KIF13B: variants seen among roughly 807,000 people sequenced by gnomAD.
KIF13B encodes kinesin-like protein KIF13B.
A neutral mutation model predicts 222.0 loss-of-function variants in KIF13B; 127 were observed. The observed-to-expected ratio is 0.57, with a 90% CI of 0.50 to 0.66. The LOEUF (loss-of-function observed/expected upper bound fraction) is 0.66. Among genes scored for constraint, KIF13B ranks in the 30% least tolerant of loss-of-function variants. The probability of loss-of-function intolerance (pLI) is 0.00; values close to 1 mark genes in which losing one functional copy is unlikely to be tolerated. For missense variants in KIF13B, 2,173 were observed against 2,379.0 expected (o/e 0.91, Z 1.80); for synonymous variants, 976 against 919.0 (o/e 1.06, Z -1.12).
Position 29,092,845 on chromosome 8 carries a change from G to A in KIF13B, c.4358C>T (p.Pro1453Leu), listed in dbSNP as rs1808364644. 4 of 1,612,224 alleles carry A rather than the reference G, an allele frequency of 2.5e-6. No homozygotes were observed. Among genetic ancestry groups the A allele is most frequent in the Non-Finnish European group, 3.4e-6 (4 of 1,179,172 alleles). ...LSNLAASYLN[P>L]VKSFVPQMPK... ...CATTTGCGGCACGAAGGATTTGACA[G>A]GATTCAAGTAGGATGCTGCAAGGTT... The change falls in exon 37 of 40, where the codon CCT becomes CTT. Residue 1453 changes from proline (P) to leucine (L), a missense_variant. By Grantham distance (98) the Pro-to-Leu change is moderately conservative. Coordinates refer to ENST00000524189, the MANE Select transcript of KIF13B (RefSeq NM_015254.4).
At chr8:29,142,053 A>G (rs1720997394) in intron 19 of KIF13B, 104 bp downstream of exon 19, 2 of 820,238 alleles carry the variant, frequency 2.4e-6, no homozygotes, top group Non-Finnish European at 3.8e-6. Context: ...AAATAGGATT[A>G]TAATTTTGGA....
Position 29,072,316 on chromosome 8 carries a change from C to T in KIF13B, c.4522G>A (p.Ala1508Thr). Residue 1508 changes from alanine to threonine, a missense_variant and splice_region_variant, in exon 39 of 40, where the codon GCT (alanine) becomes ACT (threonine). Physicochemically the swap from Ala to Thr is moderately conservative, Grantham distance 58 (BLOSUM62 0). Coordinates refer to ENST00000524189, the MANE Select transcript of KIF13B (RefSeq NM_015254.4). ...ACGTCAGGGCCCATCTCCGGCTGAG[C>T]CTGCAGCAGGACGGGGAAGCAGGGG... ...PDIRVTRMEE[A>T]QPEMGPDVLV... 7.1e-7 allele frequency: 1 copy of T among 1,407,528 alleles called. No homozygotes were observed. Among genetic ancestry groups the T allele is most frequent in the South Asian group, 1.7e-5 (1 of 58,624 alleles). The allele number at this position is 1,407,528 out of a possible 1,614,324, so 87.2% of individuals were successfully genotyped here.
chr8:29,132,254 CAA>C, intron 23 of KIF13B, 52 bp downstream of exon 23: 2 of 1,186,240 alleles, frequency 1.7e-6, no homozygotes, highest in Non-Finnish European at 1.1e-6. Flanking sequence ...TCTCAAAAAA[CAA>C]AAAAAAAATT....
chr8:29,070,727 C>A lies in KIF13B; in HGVS notation c.5258G>T (p.Arg1753Met). 6.4e-7 allele frequency: 1 copy of A among 1,564,632 alleles called. No homozygotes were observed. The highest frequency in any genetic ancestry group is 8.7e-7 in the Non-Finnish European group (1 of 1,155,178). The change falls in exon 40 of 40, where the codon AGG becomes ATG. Residue 1753 changes from arginine to methionine, a missense_variant. Arg to Met is a moderately conservative substitution (Grantham distance 91). Around this residue, in one of 2 missense-constraint regions of KIF13B, gnomAD observed 693 missense variants for 656.2 expected, o/e 1.06. Coordinates refer to ENST00000524189, the MANE Select transcript of KIF13B (RefSeq NM_015254.4). The surrounding 1 kb of genome is among the most constrained non-coding windows in gnomAD (Gnocchi z 4.1). The part of the protein sequence containing the change: ...DGSIGGKQYF[R>M]CNPGYGLLVR... ...CAGCAGCCCGTAGCCAGGGTTACAC[C>A]TGAAGTACTGCTTCCCGCCGATGGA...
intron 26 of KIF13B, 127 bp downstream of exon 26, chr8:29,126,355 T>G (rs915202179): frequency 2.3e-5 from 16 of 686,610 alleles, no homozygotes; most frequent in Non-Finnish European, 3.0e-5. Context: ...CTGTTTTACT[T>G]TAAAACAACA....
intron 35 of KIF13B, among the ~76,000 whole-genome samples, chr8:29,106,790 G>A (rs970904857): frequency 6.6e-6 from 1 of 151,604 alleles, no homozygotes; most frequent in Non-Finnish European, 1.5e-5. Flanking sequence ...TCAGCTTTAA[G>A]AATTATCATG....
In KIF13B at chr8:29,072,075, G is replaced by A; in HGVS notation, c.4763C>T (p.Ala1588Val). ...LSDALGPGLD[A>V]AAPPGSMPTA... ...GGGCATGGACCCCGGCGGGGCCGCA[G>A]CGTCCAGGCCGGGGCCCAGGGCGTC... Residue 1588 changes from alanine to valine, a missense_variant, in exon 39 of 40, where the codon GCT becomes GTT. Transcript: ENST00000524189. 7.6e-7 allele frequency: 1 copy of A among 1,319,074 alleles called. No homozygotes were observed. The allele number at this position is 1,319,074 out of a possible 1,614,324, so 81.7% of individuals were successfully genotyped here. A position where few individuals can be genotyped will look rare whatever the true frequency, so the allele number is the denominator to read the frequency against.
At chr8:29,109,566 A>G in intron 33 of KIF13B, 55 bp from the exon 34 acceptor site, 1 of 1,401,478 alleles carries the variant, frequency 7.1e-7, no homozygotes, top group South Asian at 1.2e-5. Flanking sequence ...ACACTGCAAA[A>G]GCAACACCAT....
intron 35 of KIF13B, among the ~76,000 whole-genome samples, chr8:29,106,240 C>CAGG (rs1278003558): frequency 6.6e-6 from 1 of 152,170 alleles, no homozygotes; most frequent in Non-Finnish European, 1.5e-5. Context: ...CGTGTCCATG[C>CAGG]AGGGCTCCAG....
At chr8:29,104,317 A>T (rs1205170131) in intron 35 of KIF13B, among the ~76,000 whole-genome samples, 1 of 151,942 alleles carries the variant, frequency 6.6e-6, no homozygotes, top group Admixed American at 6.6e-5. Context: ...TGCTGTCCAA[A>T]ACCCGATGTC....
intron 10 of KIF13B, among the ~76,000 whole-genome samples, chr8:29,173,569 T>A (rs532836871): frequency 1.3e-5 from 2 of 151,492 alleles, no homozygotes; most frequent in South Asian, 4.2e-4. Context: ...CTGTAGTGAG[T>A]TATGACTGCA....
At chr8:29,248,231 G>A (rs1312071177) in intron 1 of KIF13B, among the ~76,000 whole-genome samples, 2 of 152,082 alleles carry the variant, frequency 1.3e-5, no homozygotes, top group African/African-American at 4.8e-5. Flanking sequence ...GTACACAAAT[G>A]TTCACAGTAC....
intron 14 of KIF13B, among the ~76,000 whole-genome samples, chr8:29,152,972 G>C (rs892972004): frequency 3.3e-5 from 5 of 152,126 alleles, no homozygotes; most frequent in Non-Finnish European, 7.3e-5. Flanking sequence ...ATATGCACTG[G>C]GGAATCAAAA....
intron 12 of KIF13B, among the ~76,000 whole-genome samples, chr8:29,163,761 T>C (rs1204094257): frequency 2.6e-5 from 4 of 152,286 alleles, no homozygotes; most frequent in Non-Finnish European, 4.4e-5. Flanking sequence ...AAGGGACCCC[T>C]GAGAGAGGAA....
Position 29,069,381 on chromosome 8 carries a change from C to T in KIF13B, c.*1123G>A, listed in dbSNP as rs1050391112. 2 of 152,468 alleles carry T rather than the reference C, an allele frequency of 1.3e-5. No homozygotes were observed. The highest frequency in any genetic ancestry group is 4.8e-5 in the African/African-American group (2 of 41,460). 9.4% of individuals were successfully genotyped at this position (152,468 alleles called of 1,614,324 possible). A position where few individuals can be genotyped will look rare whatever the true frequency, so the allele number is the denominator to read the frequency against. Reference sequence around the variant, plus strand: ...CCTGCACCAGCCCAGCCGCCAGGCCCCAGCCCCACACTCTGAGAGTCTGGG... The same window carrying T: ...CCTGCACCAGCCCAGCCGCCAGGCCTCAGCCCCACACTCTGAGAGTCTGGG... On this transcript the variant is annotated 3_prime_UTR_variant, in exon 40 of 40. Coordinates refer to ENST00000524189, the MANE Select transcript of KIF13B (RefSeq NM_015254.4).
chr8:29,070,559 G>A lies in KIF13B; in HGVS notation c.5426C>T (p.Ala1809Val). ...GTTCTTGTGGCTCCTGTCGGCCTTG[G>A]CCAGGGCAGCTGTCAGCGAGGCCAG... is the stretch of plus-strand genomic sequence containing the variant. Reference protein sequence around the residue: ...TNLASLTAALAKADRSHKNPE... With the variant: ...TNLASLTAALVKADRSHKNPE... Residue 1809 changes from alanine to valine, a missense_variant, in exon 40 of 40, where the codon GCC becomes GTC. Around this residue, in one of 2 missense-constraint regions of KIF13B, gnomAD observed 693 missense variants for 656.2 expected, o/e 1.06. Transcript: ENST00000524189. This position sits in a 1 kb window ranked among gnomAD's most constrained non-coding sequence, Gnocchi z 4.1. 1 of 1,607,944 alleles carries A rather than the reference G, an allele frequency of 6.2e-7. No individual in the cohort carries two copies. Among genetic ancestry groups the A allele is most frequent in the East Asian group, 2.2e-5 (1 of 44,720 alleles).
At chr8:29,105,898 A>G (rs1255339280) in intron 35 of KIF13B, among the ~76,000 whole-genome samples, 1 of 151,884 alleles carries the variant, frequency 6.6e-6, no homozygotes, top group Non-Finnish European at 1.5e-5. Flanking sequence ...ACCTCAGGTG[A>G]TCCACCTGCC....
Position 29,148,750 on chromosome 8 carries a change from T to G in KIF13B, c.1640A>C (p.Lys547Thr). The change falls in exon 16 of 40, where the codon AAG becomes ACG. Residue 547 changes from lysine (K) to threonine (T), a missense_variant. Around this residue, in one of 2 missense-constraint regions of KIF13B, gnomAD observed 1,480 missense variants for 1,722.8 expected, o/e 0.86. Transcript: ENST00000524189. ...ATCCTCTCGTTCTGCTTTCTTTTTCTTTTTAGGCAAATTGAGTCTTGGTGG... is the reference window on the plus strand; with the variant it reads ...ATCCTCTCGTTCTGCTTTCTTTTTCGTTTTAGGCAAATTGAGTCTTGGTGG... ...NHFFRLNLPKKKKKAEREDED... is the reference protein window; with the variant it reads ...NHFFRLNLPKTKKKAEREDED... The G allele has an allele frequency of 6.3e-7, 1 of 1,597,516 alleles. No homozygotes were observed. Among genetic ancestry groups the G allele is most frequent in the Non-Finnish European group, 8.5e-7 (1 of 1,172,872 alleles).
chr8:29,192,296 T>C (rs143212536), intron 3 of KIF13B, among the ~76,000 whole-genome samples: 1,754 of 152,304 alleles, frequency 0.012, 33 homozygotes, highest in African/African-American at 0.04. Flanking sequence ...CCCCCATTAG[T>C]CGGCAAGAGT....
Sources: allele counts gnomAD v4.1 joint callset (sites outside exome capture counted in the v4.1 genomes callset), GRCh38; gene constraint gnomAD v4.1.1; regional missense constraint gnomAD v4.1.1; non-coding constraint Gnocchi (gnomAD v3.1); transcripts MANE v1.5; gene names NCBI Gene and HGNC (gene_info 2026-07-23, HGNC 2026-07-21).